VDAC1: variants seen among roughly 807,000 people sequenced by gnomAD.
The protein encoded by VDAC1 is non-selective voltage-gated ion channel VDAC1.
In VDAC1, 10 loss-of-function variants were observed where a neutral mutation model predicts 34.7. The ratio of observed to expected loss-of-function variants is 0.29; its 90% CI spans 0.18 to 0.49. VDAC1 has a LOEUF of 0.49. Among genes scored for constraint, VDAC1 ranks in the 20% least tolerant of loss-of-function variants. The pLI is 0.99. For synonymous variants in VDAC1, 130 were observed against 136.0 expected (o/e 0.96, Z 0.30); for missense variants, 230 against 347.9 (o/e 0.66, Z 2.69).
the VDAC1 span, among the ~76,000 whole-genome samples, chr5:134,054,101 T>C: frequency 6.6e-6 from 1 of 152,250 alleles, no homozygotes; most frequent in Non-Finnish European, 1.5e-5. Flanking sequence ...TGGAAAGTAC[T>C]GTCCTCATCT....
At chr5:134,080,876 TTTTA>T in the VDAC1 span, among the ~76,000 whole-genome samples, 1 of 152,024 alleles carries the variant, frequency 6.6e-6, no homozygotes, top group Non-Finnish European at 1.5e-5. Context: ...AAATTTTTTA[TTTTA>T]TTTATTTATT....
the VDAC1 span, among the ~76,000 whole-genome samples, chr5:134,048,958 AAAGT>A: frequency 1.3e-5 from 2 of 152,232 alleles, no homozygotes; most frequent in African/African-American, 4.8e-5. Flanking sequence ...ATGTTACACA[AAAGT>A]AATAATAATC....
At chr5:134,033,862 G>T in the VDAC1 span, among the ~76,000 whole-genome samples, 1 of 151,424 alleles carries the variant, frequency 6.6e-6, no homozygotes, top group Non-Finnish European at 1.5e-5. Context: ...AGTGGTGGCA[G>T]GCGCCTGTAG....
chr5:134,031,886 G>A, the VDAC1 span, among the ~76,000 whole-genome samples: 3 of 150,918 alleles, frequency 2.0e-5, no homozygotes, highest in Non-Finnish European at 4.4e-5. Context: ...GGGAGGTGGA[G>A]GTTGCATTGA....
chr5:134,087,549 GTTC>G, the VDAC1 span, among the ~76,000 whole-genome samples: 13 of 152,256 alleles, frequency 8.5e-5, no homozygotes, highest in East Asian at 1.2e-3. Context: ...TGTATCCATA[GTTC>G]TTCTTAAAAA....
chr5:134,076,227 C>T, the VDAC1 span, among the ~76,000 whole-genome samples: 1 of 152,160 alleles, frequency 6.6e-6, no homozygotes, highest in Non-Finnish European at 1.5e-5. Context: ...GATCCACCTG[C>T]CTCGGCCTCC....
chr5:134,007,795 G>C (rs1281565063), upstream of VDAC1, among the ~76,000 whole-genome samples: 3 of 152,208 alleles, frequency 2.0e-5, no homozygotes, highest in African/African-American at 7.2e-5. Flanking sequence ...GCAGAGGGTG[G>C]CTCTGGGCCC....
the VDAC1 span, among the ~76,000 whole-genome samples, chr5:134,054,437 CCTTT>C: frequency 6.7e-6 from 1 of 148,184 alleles, no homozygotes. Context: ...CTTTTATTTT[CCTTT>C]CTTTCTTCCT....
the VDAC1 span, among the ~76,000 whole-genome samples, chr5:134,098,584 C>T: frequency 2.0e-5 from 3 of 152,238 alleles, no homozygotes; most frequent in Admixed American, 6.5e-5. Context: ...CCCCTCTCAA[C>T]CTCCTGGACA....
the VDAC1 span, among the ~76,000 whole-genome samples, chr5:134,083,864 C>T: frequency 6.6e-6 from 1 of 152,298 alleles, no homozygotes; most frequent in East Asian, 1.9e-4. Flanking sequence ...CGGGCCTGAG[C>T]AGTCCTCCAG....
chr5:134,105,655 G>A, the VDAC1 span, among the ~76,000 whole-genome samples: 5 of 152,238 alleles, frequency 3.3e-5, no homozygotes, highest in Non-Finnish European at 7.3e-5. Flanking sequence ...CAGAAAATGA[G>A]AGTGAGCAAA....
chr5:133,982,035 G>A (rs1270076528), intron 5 of VDAC1, among the ~76,000 whole-genome samples: 1 of 152,182 alleles, frequency 6.6e-6, no homozygotes, highest in Non-Finnish European at 1.5e-5. Flanking sequence ...GGCAGGAAAT[G>A]TACACAGTAA....
the VDAC1 span, among the ~76,000 whole-genome samples, chr5:134,032,786 C>T: frequency 7.2e-5 from 11 of 152,204 alleles, no homozygotes; most frequent in Non-Finnish European, 1.6e-4. Context: ...AATCTCAATG[C>T]TTTGGGCAGC....
the VDAC1 span, among the ~76,000 whole-genome samples, chr5:134,098,601 G>T: frequency 0.76 from 115,430 of 152,138 alleles, 44,304 homozygotes; most frequent in Non-Finnish European, 0.82. Flanking sequence ...GACAGGTGGT[G>T]GTGTCCTGGT....
At chr5:134,114,471 G>A in the VDAC1 span, among the ~76,000 whole-genome samples, 32 of 152,168 alleles carry the variant, frequency 2.1e-4, no homozygotes, top group Non-Finnish European at 2.5e-4. Context: ...GCGGGGTCAG[G>A]AGTTCCCGTT....
chr5:134,069,054 G>A, the VDAC1 span, among the ~76,000 whole-genome samples: 8 of 150,134 alleles, frequency 5.3e-5, no homozygotes, highest in East Asian at 9.7e-4. Flanking sequence ...CTTAGTAGCA[G>A]TCCTCTCTGG....
the VDAC1 span, among the ~76,000 whole-genome samples, chr5:134,072,871 T>A: frequency 6.6e-6 from 1 of 152,206 alleles, no homozygotes; most frequent in Non-Finnish European, 1.5e-5. Context: ...TCTGGGGATG[T>A]GGTCTCCCGT....
At chr5:134,097,421 GA>G in the VDAC1 span, among the ~76,000 whole-genome samples, 1 of 151,966 alleles carries the variant, frequency 6.6e-6, no homozygotes, top group Non-Finnish European at 1.5e-5. Flanking sequence ...AGGGTCCAGG[GA>G]AAAAAAGGTT....
the VDAC1 span, among the ~76,000 whole-genome samples, chr5:134,096,043 G>T: frequency 6.6e-6 from 1 of 152,198 alleles, no homozygotes; most frequent in South Asian, 2.1e-4. Context: ...CCTTGAGACC[G>T]ATAAGCCATG....
Sources: gnomAD v4.1 joint callset for allele counts (sites outside exome capture counted in the v4.1 genomes callset) on GRCh38, gnomAD v4.1.1 for gene constraint, MANE v1.5 for transcripts, NCBI Gene and HGNC (gene_info 2026-07-23, HGNC 2026-07-21) for gene names.